ADAM19: variants seen among roughly 807,000 people sequenced by gnomAD.
The protein encoded by ADAM19 is ADAM metallopeptidase domain 19.
ADAM19 carries 65 observed loss-of-function variants against 114.7 expected under a neutral mutation model. The ratio of observed to expected loss-of-function variants is 0.57; its 90% CI spans 0.46 to 0.70. The LOEUF (loss-of-function observed/expected upper bound fraction) is 0.70. ADAM19 is among the 30% of genes least tolerant of loss of function. ADAM19 has a pLI of 0.00. For synonymous variants in ADAM19, 466 were observed against 460.5 expected (o/e 1.01, Z -0.15); for missense variants, 1,063 against 1,204.7 (o/e 0.88, Z 1.74).
intron 21 of ADAM19, among the ~76,000 whole-genome samples, chr5:157,486,010 G>A (rs1472295865): frequency 2.6e-5 from 4 of 152,178 alleles, no homozygotes; most frequent in Non-Finnish European, 5.9e-5. Context: ...GCATAAGCCG[G>A]TTTAGAATAG....
At chr5:157,504,665 T>C (rs895053600) in intron 11 of ADAM19, among the ~76,000 whole-genome samples, 4 of 152,144 alleles carry the variant, frequency 2.6e-5, no homozygotes, top group Non-Finnish European at 4.4e-5. Flanking sequence ...CTAAGAATCA[T>C]AAACAGGCCC....
intron 3 of ADAM19, among the ~76,000 whole-genome samples, chr5:157,541,412 G>A (rs1239914277): frequency 6.6e-6 from 1 of 152,192 alleles, no homozygotes. Flanking sequence ...TGCTCTGTCT[G>A]CTCTGTGCTC....
At position 157,492,998 on chromosome 5, in the gene ADAM19, G is replaced by A; in HGVS notation, c.1883C>T (p.Thr628Ile). 6.2e-7 allele frequency: 1 copy of A among 1,614,224 alleles called. No homozygotes were observed. Among genetic ancestry groups the A allele is most frequent in the Non-Finnish European group, 8.5e-7 (1 of 1,180,042 alleles). The change falls in exon 16 of 23, where the codon ACT (threonine) becomes ATT (isoleucine). Residue 628 changes from threonine (T) to isoleucine (I), a missense_variant. Thr to Ile is a moderately conservative substitution (Grantham distance 89). This residue lies in a region of ADAM19 where 424 missense variants were observed against 445.5 expected (regional missense o/e 0.95). Coordinates refer to ENST00000257527, the MANE Select transcript of ADAM19 (RefSeq NM_033274.5). Reference protein sequence around the residue: ...GDMLDPGLVMTGTKCGYNHIC... With the variant: ...GDMLDPGLVMIGTKCGYNHIC... ...ATGGTTGTAGCCACACTTGGTTCCA[G>A]TCATCACCAGCCCTGGGTCCAGCAT... is the stretch of plus-strand genomic sequence containing the variant.
intron 2 of ADAM19, among the ~76,000 whole-genome samples, chr5:157,567,270 T>C (rs559674546): frequency 3.9e-5 from 6 of 152,324 alleles, no homozygotes; most frequent in Admixed American, 2.6e-4. Context: ...TAATTAATCG[T>C]ATTACTTCAT....
intron 19 of ADAM19, among the ~76,000 whole-genome samples, chr5:157,489,982 C>T (rs1755093349): frequency 6.6e-6 from 1 of 152,112 alleles, no homozygotes; most frequent in African/African-American, 2.4e-5. Context: ...AGTGAAACTC[C>T]ATCTCAAAAA....
intron 4 of ADAM19, among the ~76,000 whole-genome samples, chr5:157,535,406 C>T (rs568352455): frequency 2.6e-5 from 4 of 152,352 alleles, no homozygotes; most frequent in East Asian, 3.9e-4. Flanking sequence ...CTCCAACATT[C>T]GGGTCAAGGG....
chr5:157,520,741 C>T (rs1756261741), intron 5 of ADAM19, among the ~76,000 whole-genome samples: 1 of 152,244 alleles, frequency 6.6e-6, no homozygotes, highest in Non-Finnish European at 1.5e-5. Flanking sequence ...CTTGTCCCAC[C>T]TGCCCCACGT....
chr5:157,534,740 A>T (rs757911411), intron 4 of ADAM19, among the ~76,000 whole-genome samples: 1 of 152,212 alleles, frequency 6.6e-6, no homozygotes, highest in East Asian at 1.9e-4. Flanking sequence ...TCTGACCACA[A>T]TCTTATGAGG....
intron 11 of ADAM19, 80 bp downstream of exon 11, chr5:157,505,589 C>G: frequency 6.7e-7 from 1 of 1,501,592 alleles, no homozygotes; most frequent in Non-Finnish European, 9.0e-7. Context: ...TCAGTGGGGC[C>G]AGCTGGGAGG....
chr5:157,538,698 C>T (rs750496090), intron 3 of ADAM19, among the ~76,000 whole-genome samples: 17 of 152,182 alleles, frequency 1.1e-4, no homozygotes, highest in Non-Finnish European at 1.9e-4. Context: ...ACATTGGTTT[C>T]TCTCACCACA....
rs561675334 is a variant in ADAM19 at position 157,488,572 on chromosome 5, C to T, written c.2326-83G>A. The T allele has an allele frequency of 2.6e-5, 29 of 1,136,790 alleles. No individual in the cohort carries two copies. The African/African-American group carries it at 4.4e-4, about 17-fold the overall frequency. 70.4% of individuals were successfully genotyped at this position (1,136,790 alleles called of 1,614,324 possible). A position where few individuals can be genotyped will look rare whatever the true frequency, so the allele number is the denominator to read the frequency against. ...GTGTCTCTTTGAGATAAACCAGAGC[C>T]CAAAGGGAGAACAGACACACCAATC... is the stretch of plus-strand genomic sequence containing the variant. On this transcript the variant is annotated intron_variant, in intron 20 of 22. Transcript: ENST00000257527.
At chr5:157,502,527 A>G (rs1213322074) in intron 12 of ADAM19, among the ~76,000 whole-genome samples, 2 of 152,226 alleles carry the variant, frequency 1.3e-5, no homozygotes, top group African/African-American at 4.8e-5. Context: ...AGGAAGACAG[A>G]GTCAACATGC....
In ADAM19 at chr5:157,480,475, G is replaced by A. The variant is rs1754711530; in HGVS notation, c.*474C>T. 3.0e-6 allele frequency: 3 copies of A among 991,600 alleles called. No individual in the cohort carries two copies. The South Asian group carries it at 1.4e-4, about 45-fold the overall frequency. The allele number at this position is 991,600 out of a possible 1,614,324, so 61.4% of individuals were successfully genotyped here. ...CTTGACCCTTCCTTAATCCCTAAAA[G>A]CTAAAAGGGGTGGGTAAGTACCAGC... On this transcript the variant is annotated 3_prime_UTR_variant, in exon 23 of 23. Coordinates refer to ENST00000257527, the MANE Select transcript of ADAM19 (RefSeq NM_033274.5).
intron 1 of ADAM19, among the ~76,000 whole-genome samples, chr5:157,574,697 C>G (rs554435808): frequency 1.9e-4 from 29 of 152,302 alleles, no homozygotes; most frequent in Admixed American, 1.2e-3. Flanking sequence ...CACCGCCCCC[C>G]GGGACCAAGC....
chr5:157,531,246 C>A (rs1162761261), intron 4 of ADAM19, among the ~76,000 whole-genome samples: 1 of 152,166 alleles, frequency 6.6e-6, no homozygotes. Context: ...AAAGAACTTG[C>A]CTCCCCACCA....
At chr5:157,558,584 A>G (rs1757425132) in intron 3 of ADAM19, among the ~76,000 whole-genome samples, 1 of 152,226 alleles carries the variant, frequency 6.6e-6, no homozygotes, top group African/African-American at 2.4e-5. Flanking sequence ...AATTTTGCCA[A>G]CAACAAATGA....
intron 7 of ADAM19, among the ~76,000 whole-genome samples, chr5:157,515,103 T>G (rs1756054645): frequency 6.6e-6 from 1 of 152,190 alleles, no homozygotes; most frequent in South Asian, 2.1e-4. Flanking sequence ...TGGACATTCT[T>G]AGGCTTCCTT....
In ADAM19 at chr5:157,478,508, C is replaced by T. The variant is rs770430690; in HGVS notation, c.*2441G>A. The T allele has an allele frequency of 2.2e-6, 2 of 921,890 alleles. No homozygotes were observed. Among genetic ancestry groups the T allele is most frequent in the Non-Finnish European group, 1.3e-6 (1 of 772,086 alleles). 57.1% of individuals were successfully genotyped at this position (921,890 alleles called of 1,614,324 possible). On this transcript the variant is annotated 3_prime_UTR_variant, in exon 23 of 23. Coordinates refer to ENST00000257527, the MANE Select transcript of ADAM19 (RefSeq NM_033274.5). ...AATATTCCCTTTCCCCTTCTGCAATCGTGCTTTGGAATAAGGTCTCTCCTT... is the reference window on the plus strand; with the variant it reads ...AATATTCCCTTTCCCCTTCTGCAATTGTGCTTTGGAATAAGGTCTCTCCTT...
At position 157,477,728 on chromosome 5, in the gene ADAM19, C is replaced by CA; in HGVS notation, c.*3220dup. The CA allele has an allele frequency of 7.8e-7, 1 of 1,289,636 alleles. No homozygotes were observed. The highest frequency in any genetic ancestry group is 1.0e-6 in the Non-Finnish European group (1 of 988,736). 79.9% of individuals were successfully genotyped at this position (1,289,636 alleles called of 1,614,324 possible). A position where few individuals can be genotyped will look rare whatever the true frequency, so the allele number is the denominator to read the frequency against. ...CCCAGTTTTCAAATTGCAAGTCTTC[C>CA]ATACCCTCTGTCAAATAAGAATAAA... On this transcript the variant is annotated 3_prime_UTR_variant, in exon 23 of 23. Coordinates refer to ENST00000257527, the MANE Select transcript of ADAM19 (RefSeq NM_033274.5).
Sources: allele counts gnomAD v4.1 joint callset (sites outside exome capture counted in the v4.1 genomes callset), GRCh38; gene constraint gnomAD v4.1.1; regional missense constraint gnomAD v4.1.1; transcripts MANE v1.5; gene names NCBI Gene and HGNC (gene_info 2026-07-23, HGNC 2026-07-21).